The following DPY19L1 variants were observed in gnomAD, a reference collection of about 807,000 sequenced individuals.
The protein encoded by DPY19L1 is protein C-mannosyl-transferase DPY19L1.
DPY19L1 carries 35 observed loss-of-function variants against 96.9 expected under a neutral mutation model. That is an observed-to-expected ratio of 0.36 (90% CI 0.28 to 0.48). The LOEUF is 0.48. DPY19L1 is among the 20% of genes least tolerant of loss of function. The probability of loss-of-function intolerance (pLI) is 0.99; values close to 1 mark genes in which losing one functional copy is unlikely to be tolerated. For synonymous variants in DPY19L1, 205 were observed against 252.6 expected, an observed-to-expected ratio of 0.81 and a Z score of 1.79; for missense variants, 521 against 777.9, an observed-to-expected ratio of 0.67 and a Z score of 3.93.
chr7:34,957,680 G>A (rs1249858304), intron 11 of DPY19L1, among the ~76,000 whole-genome samples: 3 of 152,156 alleles, frequency 2.0e-5, no homozygotes, highest in African/African-American at 7.2e-5. Flanking sequence ...ATGAAGAGGG[G>A]TGGCTGTTAC....
intron 9 of DPY19L1, 56 bp from the exon 10 acceptor site, chr7:34,967,027 T>A (rs1784625908): frequency 1.5e-6 from 2 of 1,318,006 alleles, no homozygotes; most frequent in Non-Finnish European, 2.1e-6. Context: ...GCTACAAGAA[T>A]GAAGAATATA....
intron 6 of DPY19L1, among the ~76,000 whole-genome samples, chr7:35,006,778 T>C (rs1021980142): frequency 1.3e-5 from 2 of 152,228 alleles, no homozygotes; most frequent in Admixed American, 1.3e-4. Flanking sequence ...TTGCCTGTTT[T>C]CTATTTTCCC....
In DPY19L1 at chr7:34,992,994, C is replaced by G. The variant is rs11771604; in HGVS notation, c.765-3053G>C. Among the ~76,000 whole-genome samples, 1,316 of 152,224 alleles carry G rather than the reference C, an allele frequency of 8.6e-3. 12 individuals carry two copies. Among genetic ancestry groups the G allele is most frequent in the Non-Finnish European group, 0.015 (1,030 of 68,006 alleles). ...AGTCTGACTTCATTCCTTTGGAGTT[C>G]GTGTTCCTGAGTGGTCTACCCTCAC... is the stretch of plus-strand genomic sequence containing the variant. On this transcript the variant is annotated intron_variant, in intron 6 of 21. Coordinates refer to ENST00000638088, the MANE Select transcript of DPY19L1 (RefSeq NM_001366673.1).
At chr7:35,037,819 T>A, upstream of DPY19L1, 1 of 1,227,182 alleles carries the variant, frequency 8.1e-7, no homozygotes, top group Non-Finnish European at 1.0e-6. Context: ...TACCCACACC[T>A]CTTCGGCGCC....
chr7:35,021,097 A>C (rs1413261433), intron 1 of DPY19L1, among the ~76,000 whole-genome samples: 1 of 152,172 alleles, frequency 6.6e-6, no homozygotes, highest in East Asian at 1.9e-4. Flanking sequence ...TTCCTGACAA[A>C]AACAATAAAC....
In DPY19L1 at chr7:34,973,601, G is replaced by T; in HGVS notation, c.827C>A (p.Thr276Asn). ...GAGAGGTGGTGTCCACATTACACGG[G>T]TACACTGAAAAAAAAAATTTGTAGT... ...LCFFFNHGEC[T>N]RVMWTPPLRE... Residue 276 changes from threonine to asparagine, a missense_variant, in exon 8 of 22, where the codon ACC (threonine) becomes AAC (asparagine). By Grantham distance (65) the Thr-to-Asn change is moderately conservative. Transcript: ENST00000638088. The T allele has an allele frequency of 6.9e-7, 1 of 1,444,120 alleles. No individual in the cohort carries two copies. The highest frequency in any genetic ancestry group is 9.1e-7 in the Non-Finnish European group (1 of 1,094,562). 89.5% of individuals were successfully genotyped at this position (1,444,120 alleles called of 1,614,324 possible).
At chr7:34,944,295 G>A (rs748077802) in intron 16 of DPY19L1, among the ~76,000 whole-genome samples, 3 of 149,626 alleles carry the variant, frequency 2.0e-5, no homozygotes, top group Non-Finnish European at 4.4e-5. Context: ...CCCGGGAGGC[G>A]GAGGTTGCAG....
intron 7 of DPY19L1, among the ~76,000 whole-genome samples, chr7:34,974,203 A>G (rs895827282): frequency 3.9e-5 from 6 of 152,222 alleles, no homozygotes; most frequent in Non-Finnish European, 5.9e-5. Flanking sequence ...TTTGGACATA[A>G]TTAAGCAATG....
chr7:34,938,745 T>C (rs1727147838), intron 20 of DPY19L1, among the ~76,000 whole-genome samples: 1 of 152,040 alleles, frequency 6.6e-6, no homozygotes. Flanking sequence ...AAATTAAATT[T>C]TTAAAAAAAA....
chr7:34,971,149 T>A (rs562848083), intron 8 of DPY19L1, among the ~76,000 whole-genome samples: 2 of 152,058 alleles, frequency 1.3e-5, no homozygotes, highest in African/African-American at 4.8e-5. Flanking sequence ...CAACTATAGG[T>A]AGAAACCAAG....
intron 3 of DPY19L1, among the ~76,000 whole-genome samples, chr7:35,016,183 G>A (rs1400684881): frequency 6.6e-6 from 1 of 152,174 alleles, no homozygotes; most frequent in African/African-American, 2.4e-5. Flanking sequence ...AAAACTGGCT[G>A]ATGCCAGGTC....
Position 34,957,964 on chromosome 7 carries a change from A to G in DPY19L1, c.1179+20T>C. On this transcript the variant is annotated intron_variant, in intron 11 of 21. Coordinates refer to ENST00000638088, the MANE Select transcript of DPY19L1 (RefSeq NM_001366673.1). ...CCATTAGTTTCAAAAACAGCCATAT[A>G]AGTGTTAAGGAATACTTACCCAAAT... 1 of 1,479,210 alleles carries G rather than the reference A, an allele frequency of 6.8e-7. No individual in the cohort carries two copies. The highest frequency in any genetic ancestry group is 9.2e-7 in the Non-Finnish European group (1 of 1,081,246). The allele number at this position is 1,479,210 out of a possible 1,614,324, so 91.6% of individuals were successfully genotyped here. A position where few individuals can be genotyped will look rare whatever the true frequency, so the allele number is the denominator to read the frequency against.
intron 13 of DPY19L1, among the ~76,000 whole-genome samples, chr7:34,953,046 A>C (rs1784301798): frequency 6.6e-6 from 1 of 152,114 alleles, no homozygotes; most frequent in Admixed American, 6.5e-5. Flanking sequence ...GCTACTCATA[A>C]AAAGAACCTG....
chr7:35,012,379 C>T lies in DPY19L1; in HGVS notation c.550-929G>A, dbSNP rs116396955. Among the ~76,000 whole-genome samples, 456 of 152,270 alleles carry T rather than the reference C, an allele frequency of 3.0e-3. 3 individuals are homozygous for T. The highest frequency in any genetic ancestry group is 0.011 in the African/African-American group (446 of 41,564). On this transcript the variant is annotated intron_variant, in intron 4 of 21. Coordinates refer to ENST00000638088, the MANE Select transcript of DPY19L1 (RefSeq NM_001366673.1). ...CTAAGGACACTCCCTCGACTACTTC[C>T]TGCATGCAAATCTCCATCTCAAAGT...
rs557979798 is a variant in DPY19L1, at chr7:34,997,367, C to A, written c.765-7426G>T. Among the ~76,000 whole-genome samples, 64 of 139,776 alleles carry A rather than the reference C, an allele frequency of 4.6e-4. 1 individual carries two copies. The South Asian group carries it at 7.9e-3, about 17-fold the overall frequency. The allele number at this position is 139,776 out of a possible 152,430, so 91.7% of individuals were successfully genotyped here. A position where few individuals can be genotyped will look rare whatever the true frequency, so the allele number is the denominator to read the frequency against. ...CAGCACTTTGGGAGGCCGAGGCGGG[C>A]GGATCACAACGTCAGGAGATCAAGA... On this transcript the variant is annotated intron_variant, in intron 6 of 21. Coordinates refer to ENST00000638088, the MANE Select transcript of DPY19L1 (RefSeq NM_001366673.1).
intron 6 of DPY19L1, among the ~76,000 whole-genome samples, chr7:35,006,478 G>A (rs1018559783): frequency 6.6e-6 from 1 of 152,156 alleles, no homozygotes; most frequent in Non-Finnish European, 1.5e-5. Flanking sequence ...AACAACCAAT[G>A]CTCCTTCTTA....
intron 10 of DPY19L1, among the ~76,000 whole-genome samples, chr7:34,962,677 A>G (rs948510887): frequency 1.3e-5 from 2 of 152,094 alleles, no homozygotes; most frequent in African/African-American, 4.8e-5. Flanking sequence ...AGCCTGGGCA[A>G]CAGAGCAAGA....
chr7:34,956,374 T>A (rs978240648), intron 11 of DPY19L1, among the ~76,000 whole-genome samples: 1 of 152,214 alleles, frequency 6.6e-6, no homozygotes, highest in Non-Finnish European at 1.5e-5. Flanking sequence ...CCCAAAGTTA[T>A]GATTTTTCTT....
At chr7:34,931,755 A>C (rs755419244) in intron 21 of DPY19L1, 26 bp from the exon 22 acceptor site, 3 of 1,575,172 alleles carry the variant, frequency 1.9e-6, no homozygotes, top group Non-Finnish European at 2.6e-6. Flanking sequence ...TACATGTTAA[A>C]AATCAATATG....
Sources: allele counts gnomAD v4.1 joint callset (sites outside exome capture counted in the v4.1 genomes callset), GRCh38; gene constraint gnomAD v4.1.1; transcripts MANE v1.5; gene names NCBI Gene and HGNC (gene_info 2026-07-23, HGNC 2026-07-21).